The following TTBK2 variants were observed in gnomAD, a reference collection of about 807,000 sequenced individuals.
TTBK2 encodes tau-tubulin kinase 2.
In TTBK2, 28 loss-of-function variants were observed where a neutral mutation model predicts 110.8. That is an observed-to-expected ratio of 0.25 (90% CI 0.19 to 0.35). TTBK2 has a LOEUF of 0.35. Among genes scored for constraint, TTBK2 ranks in the 10% least tolerant of loss-of-function variants. The probability of loss-of-function intolerance (pLI) is 1.00; values close to 1 mark genes in which losing one functional copy is unlikely to be tolerated. For synonymous variants in TTBK2, 532 were observed against 527.3 expected (o/e 1.01, Z -0.12); for missense variants, 1,369 against 1,500.3 (o/e 0.91, Z 1.45).
chr15:42,799,489 A>G (rs1033605183), intron 9 of TTBK2, among the ~76,000 whole-genome samples: 19 of 152,050 alleles, frequency 1.2e-4, no homozygotes, highest in African/African-American at 4.1e-4. Flanking sequence ...GCTGGAGTGC[A>G]GTGGTGTGAT....
chr15:42,868,009 T>C (rs771368105), intron 3 of TTBK2, among the ~76,000 whole-genome samples: 2 of 152,192 alleles, frequency 1.3e-5, no homozygotes, highest in African/African-American at 2.4e-5. Context: ...GAAACTTAAG[T>C]GCATATTACT....
chr15:42,896,223 G>A (rs1031154972), intron 1 of TTBK2, among the ~76,000 whole-genome samples: 1 of 152,042 alleles, frequency 6.6e-6, no homozygotes, highest in Non-Finnish European at 1.5e-5. Context: ...AGCTACTCGG[G>A]AGGCTGAGGC....
chr15:42,897,396 T>C (rs1056645183), intron 1 of TTBK2, among the ~76,000 whole-genome samples: 1 of 152,128 alleles, frequency 6.6e-6, no homozygotes, highest in Non-Finnish European at 1.5e-5. Flanking sequence ...TACTCTACTA[T>C]CTGAAATTTT....
At chr15:42,770,949 C>T (rs1389484046) in intron 13 of TTBK2, among the ~76,000 whole-genome samples, 1 of 151,736 alleles carries the variant, frequency 6.6e-6, no homozygotes, top group African/African-American at 2.4e-5. Context: ...AGGAAAGCCA[C>T]ATGGAACTAT....
intron 9 of TTBK2, chr15:42,800,200 A>G (rs1027965127): frequency 4.9e-6 from 2 of 409,298 alleles, no homozygotes; most frequent in African/African-American, 4.2e-5. Flanking sequence ...AAACTTTTAT[A>G]ATGACCACAT....
Position 42,744,108 on chromosome 15 carries a change from T to A in TTBK2, c.*1687A>T, listed in dbSNP as rs1030415057. 3.3e-5 allele frequency: 5 copies of A among 152,254 alleles called. No homozygotes were observed. Among genetic ancestry groups the A allele is most frequent in the Non-Finnish European group, 7.3e-5 (5 of 68,044 alleles). The allele number at this position is 152,254 out of a possible 1,614,324, so 9.4% of individuals were successfully genotyped here. On this transcript the variant is annotated 3_prime_UTR_variant, in exon 15 of 15. Transcript: ENST00000267890. The stretch of plus-strand genomic sequence containing the variant: ...AGTTGCTTTAGATAAACAGCAAGTA[T>A]GTCTTATCTATTGCATTCCTCTGGA...
intron 2 of TTBK2, among the ~76,000 whole-genome samples, chr15:42,877,139 T>C (rs995014819): frequency 5.3e-5 from 8 of 152,188 alleles, no homozygotes; most frequent in Admixed American, 3.9e-4. Context: ...TATAGATACA[T>C]TTCAACTAAT....
intron 13 of TTBK2, among the ~76,000 whole-genome samples, chr15:42,768,083 CAAT>C (rs1355638963): frequency 1.3e-5 from 2 of 152,156 alleles, no homozygotes; most frequent in East Asian, 3.8e-4. Context: ...TAAAAACTCT[CAAT>C]AAACTAGGTA....
intron 3 of TTBK2, among the ~76,000 whole-genome samples, chr15:42,860,088 GGATT>G (rs1894095063): frequency 6.6e-6 from 1 of 151,694 alleles, no homozygotes; most frequent in Non-Finnish European, 1.5e-5. Flanking sequence ...ACAGAAGAAA[GGATT>G]AAGGAACAAC....
intron 10 of TTBK2, among the ~76,000 whole-genome samples, chr15:42,791,985 T>G (rs1280448975): frequency 6.6e-6 from 1 of 151,940 alleles, no homozygotes; most frequent in African/African-American, 2.4e-5. Flanking sequence ...CTACTAAAAA[T>G]ACACAAATTA....
At chr15:42,865,471 T>C in intron 3 of TTBK2, among the ~76,000 whole-genome samples, 1 of 126,622 alleles carries the variant, frequency 7.9e-6, no homozygotes, top group Admixed American at 8.1e-5. Context: ...AAACAAAAAC[T>C]ACAAAAGACA....
chr15:42,859,685 A>G (rs1225089407), intron 3 of TTBK2, among the ~76,000 whole-genome samples: 2 of 152,222 alleles, frequency 1.3e-5, no homozygotes, highest in Non-Finnish European at 2.9e-5. Context: ...CAAGAAAAAT[A>G]TACAAGGAAT....
At chr15:42,769,771 A>G (rs1228552989) in intron 13 of TTBK2, among the ~76,000 whole-genome samples, 1 of 152,202 alleles carries the variant, frequency 6.6e-6, no homozygotes, top group African/African-American at 2.4e-5. Context: ...ATATACCCAA[A>G]GGATTATAAA....
intron 9 of TTBK2, among the ~76,000 whole-genome samples, chr15:42,798,568 G>A (rs1043225258): frequency 1.3e-5 from 2 of 152,190 alleles, no homozygotes; most frequent in Non-Finnish European, 2.9e-5. Flanking sequence ...ACAGAGGTAT[G>A]ACATTTATTA....
intron 9 of TTBK2, 73 bp downstream of exon 9, chr15:42,810,541 C>T (rs1033616037): frequency 1.9e-6 from 3 of 1,590,762 alleles, no homozygotes; most frequent in African/African-American, 2.7e-5. Context: ...ATAACACCTT[C>T]AAAGCTACAA....
chr15:42,789,216 C>A (rs931781536), intron 10 of TTBK2, among the ~76,000 whole-genome samples: 2 of 152,154 alleles, frequency 1.3e-5, no homozygotes, highest in Non-Finnish European at 2.9e-5. Flanking sequence ...TTTCCTTCCT[C>A]CCTCCTTGAA....
intron 1 of TTBK2, among the ~76,000 whole-genome samples, chr15:42,896,015 T>C (rs896182131): frequency 1.3e-5 from 2 of 152,040 alleles, no homozygotes; most frequent in Non-Finnish European, 2.9e-5. Context: ...TTGACAAAGA[T>C]GCAAAGGCAA....
intron 1 of TTBK2, among the ~76,000 whole-genome samples, chr15:42,881,463 AGAT>A (rs1378093583): frequency 6.6e-6 from 1 of 152,124 alleles, no homozygotes; most frequent in Non-Finnish European, 1.5e-5. Context: ...GCAAATGCCA[AGAT>A]GACACAGATT....
intron 14 of TTBK2, among the ~76,000 whole-genome samples, chr15:42,749,183 G>A (rs573866066): frequency 1.5e-4 from 23 of 152,254 alleles, no homozygotes; most frequent in Non-Finnish European, 2.5e-4. Flanking sequence ...TGCCCACTCC[G>A]TAGATGAGGA....
Sources: allele counts gnomAD v4.1 joint callset (sites outside exome capture counted in the v4.1 genomes callset), GRCh38; gene constraint gnomAD v4.1.1; transcripts MANE v1.5; gene names NCBI Gene and HGNC (gene_info 2026-07-23, HGNC 2026-07-21).